Variants in ADRA1A observed in about 807,000 individuals in gnomAD.
ADRA1A encodes adrenoceptor alpha 1A, also known as alpha-1A adrenergic receptor.
ADRA1A carries 31 observed loss-of-function variants against 29.6 expected under a neutral mutation model. The ratio of observed to expected loss-of-function variants is 1.05; its 90% CI spans 0.79 to 1.41. ADRA1A has a LOEUF of 1.41. Ranked by LOEUF, ADRA1A falls within the 40% of genes most tolerant of loss-of-function variation. The probability of loss-of-function intolerance (pLI) is 0.00; values close to 1 mark genes in which losing one functional copy is unlikely to be tolerated. For synonymous variants in ADRA1A, 311 were observed against 254.3 expected (o/e 1.22, Z -2.12); for missense variants, 619 against 601.1 (o/e 1.03, Z -0.31).
chr8:26,813,492 C>A (rs947646991), intron 2 of ADRA1A, among the ~76,000 whole-genome samples: 4 of 129,200 alleles, frequency 3.1e-5, no homozygotes, highest in Non-Finnish European at 6.4e-5. Context: ...TTGCATCTAT[C>A]CATCCATCCA....
chr8:26,771,316 G>C (rs374008057), intron 2 of ADRA1A, among the ~76,000 whole-genome samples: 1 of 152,116 alleles, frequency 6.6e-6, no homozygotes, highest in Non-Finnish European at 1.5e-5. Context: ...CTTCACATTC[G>C]GAGTCCTCCA....
At chr8:26,858,861 C>A (rs986777546) in intron 2 of ADRA1A, among the ~76,000 whole-genome samples, 4 of 152,164 alleles carry the variant, frequency 2.6e-5, no homozygotes, top group African/African-American at 4.8e-5. Flanking sequence ...AAAAATGGAA[C>A]AAGATTAGCA....
intron 2 of ADRA1A, among the ~76,000 whole-genome samples, chr8:26,826,549 G>T (rs1183299542): frequency 6.6e-6 from 1 of 152,158 alleles, no homozygotes; most frequent in Non-Finnish European, 1.5e-5. Flanking sequence ...TGATTTTAAA[G>T]AAATAGAAAC....
chr8:26,757,355 G>A (rs1414034182), intron 2 of ADRA1A, among the ~76,000 whole-genome samples: 1 of 152,124 alleles, frequency 6.6e-6, no homozygotes, highest in Non-Finnish European at 1.5e-5. Flanking sequence ...TCCCTGTGAA[G>A]CCACCTGCCT....
intron 2 of ADRA1A, among the ~76,000 whole-genome samples, chr8:26,851,881 A>AT (rs1441320692): frequency 6.6e-6 from 1 of 152,192 alleles, no homozygotes; most frequent in African/African-American, 2.4e-5. Context: ...ATAAATAAAG[A>AT]TTAATGGATA....
intron 2 of ADRA1A, among the ~76,000 whole-genome samples, chr8:26,811,227 CT>C (rs1212800426): frequency 6.7e-6 from 1 of 149,428 alleles, no homozygotes; most frequent in African/African-American, 2.5e-5. Context: ...GAGTCTCGCT[CT>C]GTCGCACAGG....
intron 2 of ADRA1A, among the ~76,000 whole-genome samples, chr8:26,807,010 T>G (rs1295736644): frequency 2.0e-5 from 3 of 152,228 alleles, no homozygotes; most frequent in African/African-American, 7.2e-5. Flanking sequence ...AAAATAAACA[T>G]GTTCACTGAA....
rs1027985377 is a variant in ADRA1A at position 26,806,295 on chromosome 8, C to T, written c.884-35629G>A. Reference sequence around the variant, plus strand: ...GGCCCCAGAAGCTGGGTGTTTACACCAAAGATTTTTTTTTTTTTTTCGAAA... The same window carrying T: ...GGCCCCAGAAGCTGGGTGTTTACACTAAAGATTTTTTTTTTTTTTTCGAAA... On this transcript the variant is annotated intron_variant, in intron 2 of 2. Transcript: ENST00000380573. This position sits in a 1 kb window ranked among gnomAD's most constrained non-coding sequence, Gnocchi z 4.6. Among the ~76,000 whole-genome samples the T allele has an allele frequency of 6.7e-6, 1 of 148,404 alleles. No homozygotes were observed. The highest frequency in any genetic ancestry group is 1.5e-5 in the Non-Finnish European group (1 of 67,704).
At chr8:26,765,483 C>T (rs1452032910), downstream of ADRA1A, among the ~76,000 whole-genome samples, 1 of 152,236 alleles carries the variant, frequency 6.6e-6, no homozygotes, top group Non-Finnish European at 1.5e-5. Flanking sequence ...TGGCTCAGCC[C>T]AGCTCCCCAG....
At chr8:26,850,711 C>G (rs925419702) in intron 2 of ADRA1A, among the ~76,000 whole-genome samples, 3 of 152,204 alleles carry the variant, frequency 2.0e-5, no homozygotes, top group Admixed American at 6.5e-5. Context: ...AGGCTTGTCT[C>G]AAACTCCTGG....
At chr8:26,809,009 T>G (rs969267602) in intron 2 of ADRA1A, among the ~76,000 whole-genome samples, 1 of 152,186 alleles carries the variant, frequency 6.6e-6, no homozygotes, top group Admixed American at 6.5e-5. Context: ...TTCTCTTTAT[T>G]GATGAGTGAG....
intron 2 of ADRA1A, among the ~76,000 whole-genome samples, chr8:26,839,212 GCAGTGGTGCAATCTT>G (rs1266968065): frequency 1.4e-5 from 2 of 147,288 alleles, no homozygotes; most frequent in African/African-American, 5.0e-5. Flanking sequence ...AGGCTGGAGT[GCAGTGGTGCAATCTT>G]GGCTCACTGC....
Position 26,864,461 on chromosome 8 carries a change from G to T in ADRA1A, c.509C>A (p.Pro170His). The T allele has an allele frequency of 6.2e-7, 1 of 1,613,524 alleles. No homozygotes were observed. The highest frequency in any genetic ancestry group is 8.5e-7 in the Non-Finnish European group (1 of 1,180,042). ...GATCTGGCAGATGGTCTCGTCCTCG[G>T]GGGCCGGCTGCCTCCAGCCGAACAG... The part of the protein sequence containing the change: ...GPLFGWRQPA[P>H]EDETICQINE... The change falls in exon 2 of 3, where the codon CCC becomes CAC. Residue 170 changes from proline to histidine, a missense_variant. Pro to His is a moderately conservative substitution (Grantham distance 77). Transcript: ENST00000380573. The surrounding 1 kb of genome is among the most constrained non-coding windows in gnomAD (Gnocchi z 8.1).
At chr8:26,853,823 A>G (rs1585842077) in intron 2 of ADRA1A, 1 of 152,388 alleles carries the variant, frequency 6.6e-6, no homozygotes, top group South Asian at 2.1e-4. Flanking sequence ...ATGAAAAAAC[A>G]TGAAAATATT....
At position 26,769,619 on chromosome 8, in the gene ADRA1A, G is replaced by C. The variant is rs529114254; in HGVS notation, c.*530C>G. 2 of 985,616 alleles carry C rather than the reference G, an allele frequency of 2.0e-6. No homozygotes were observed. The highest frequency in any genetic ancestry group is 2.3e-4 in the East Asian group (2 of 8,808). 61.1% of individuals were successfully genotyped at this position (985,616 alleles called of 1,614,324 possible). ...GCTGAGAAATTGGATGTATCAGAAA[G>C]GGTGGAGTTTCAGGACTTGCTCTAA... On this transcript the variant is annotated 3_prime_UTR_variant, in exon 3 of 3. Transcript: ENST00000380573.
chr8:26,798,031 T>C (rs1218772540), intron 2 of ADRA1A, among the ~76,000 whole-genome samples: 1 of 151,946 alleles, frequency 6.6e-6, no homozygotes, highest in Non-Finnish European at 1.5e-5. Flanking sequence ...CAGGCTGGAG[T>C]TCAGTGGCAC....
chr8:26,770,711 C>A (rs1324160857), intron 2 of ADRA1A, 45 bp from the exon 3 acceptor site: 2 of 1,541,318 alleles, frequency 1.3e-6, no homozygotes, highest in South Asian at 1.3e-5. Context: ...TGAAAGCCAG[C>A]AAGCCAATTG....
At chr8:26,756,996 G>T in intron 2 of ADRA1A, 2 of 735,506 alleles carry the variant, frequency 2.7e-6, no homozygotes, top group Non-Finnish European at 4.8e-6. Flanking sequence ...GTCACATTCT[G>T]CTCCCTGTGA....
intron 2 of ADRA1A, among the ~76,000 whole-genome samples, chr8:26,788,678 C>T (rs1420952220): frequency 2.0e-5 from 3 of 152,186 alleles, no homozygotes; most frequent in Non-Finnish European, 4.4e-5. Context: ...AAATGAGACT[C>T]GGGGAGTTTA....
Sources: allele counts gnomAD v4.1 joint callset (sites outside exome capture counted in the v4.1 genomes callset), GRCh38; gene constraint gnomAD v4.1.1; non-coding constraint Gnocchi (gnomAD v3.1); transcripts MANE v1.5; gene names NCBI Gene and HGNC (gene_info 2026-07-23, HGNC 2026-07-21).